The following MBP variants were observed in gnomAD, a reference collection of about 807,000 sequenced individuals.
MBP encodes myelin basic protein, also known as Golli-MBP.
MBP carries 16 observed loss-of-function variants against 35.8 expected under a neutral mutation model. That is an observed-to-expected ratio of 0.45 (90% CI 0.30 to 0.68). MBP has a LOEUF of 0.68. Among genes scored for constraint, MBP ranks in the 30% least tolerant of loss-of-function variants. The pLI is 0.08. For synonymous variants in MBP, 143 were observed against 159.6 expected, an observed-to-expected ratio of 0.90 and a Z score of 0.78; for missense variants, 380 against 404.7, an observed-to-expected ratio of 0.94 and a Z score of 0.52.
chr18:77,083,707 G>A (rs548757714), intron 2 of MBP, among the ~76,000 whole-genome samples: 4 of 152,286 alleles, frequency 2.6e-5, no homozygotes, highest in Non-Finnish European at 5.9e-5. Context: ...GCTGTAACAT[G>A]GATGAATCCT....
intron 2 of MBP, chr18:77,087,206 A>G (rs1366622795): frequency 6.6e-6 from 1 of 152,206 alleles, no homozygotes; most frequent in Non-Finnish European, 1.5e-5. Flanking sequence ...GCCCCGCGGC[A>G]GCGCCCCACC....
At chr18:76,991,978 C>T (rs1232750904) in intron 4 of MBP, among the ~76,000 whole-genome samples, 2 of 152,216 alleles carry the variant, frequency 1.3e-5, no homozygotes, top group East Asian at 3.8e-4. Flanking sequence ...ATGCTGCAGC[C>T]ACAAAGGACA....
At chr18:77,103,929 G>A (rs1209921744) in intron 2 of MBP, among the ~76,000 whole-genome samples, 1 of 152,276 alleles carries the variant, frequency 6.6e-6, no homozygotes, top group African/African-American at 2.4e-5. Context: ...AATGGCAAAT[G>A]CCGTGCTAGA....
intron 4 of MBP, chr18:77,014,421 A>T (rs1971513340): frequency 1.0e-6 from 1 of 985,358 alleles, no homozygotes; most frequent in Admixed American, 6.1e-5. Flanking sequence ...GATAGGGAGA[A>T]GCAGAACTGT....
intron 4 of MBP, chr18:77,005,062 C>T (rs1473169249): frequency 6.6e-6 from 1 of 152,242 alleles, no homozygotes. Flanking sequence ...TACAACAAAT[C>T]AAAGTTCGGC....
chr18:77,118,616 A>C (rs1207431529), intron 1 of MBP, among the ~76,000 whole-genome samples: 1 of 128,158 alleles, frequency 7.8e-6, no homozygotes, highest in East Asian at 3.5e-4. Context: ...CAGACACCAC[A>C]CACACACACA....
At chr18:77,103,189 T>C (rs947741789) in intron 2 of MBP, among the ~76,000 whole-genome samples, 4 of 152,206 alleles carry the variant, frequency 2.6e-5, no homozygotes, top group African/African-American at 4.8e-5. Context: ...GTGGCTGACA[T>C]AGAAATTAAG....
chr18:77,043,967 T>G (rs1369288636), intron 3 of MBP, among the ~76,000 whole-genome samples: 1 of 152,044 alleles, frequency 6.6e-6, no homozygotes. Flanking sequence ...CCCCTGCCAT[T>G]CCCCCAGCTG....
At chr18:77,091,078 G>A (rs1975502623) in intron 2 of MBP, among the ~76,000 whole-genome samples, 1 of 152,140 alleles carries the variant, frequency 6.6e-6, no homozygotes, top group South Asian at 2.1e-4. Context: ...CCACACATTC[G>A]AAAACAACAT....
chr18:77,086,758 T>C (rs1975252066), intron 2 of MBP, among the ~76,000 whole-genome samples: 1 of 152,198 alleles, frequency 6.6e-6, no homozygotes, highest in Non-Finnish European at 1.5e-5. Context: ...CTTTTACATG[T>C]TGAGGAGTTG....
intron 3 of MBP, among the ~76,000 whole-genome samples, chr18:77,029,332 G>A (rs1189167885): frequency 1.3e-5 from 2 of 149,940 alleles, no homozygotes; most frequent in East Asian, 2.0e-4. Flanking sequence ...AATCAGGCAG[G>A]GGGGTTGCAG....
At chr18:77,124,356 A>G (rs1231167920) in intron 1 of MBP, among the ~76,000 whole-genome samples, 1 of 152,228 alleles carries the variant, frequency 6.6e-6, no homozygotes, top group Non-Finnish European at 1.5e-5. Flanking sequence ...TGGGGAGCTG[A>G]ATATTAATCC....
At chr18:77,018,981 C>T (rs1480582020) in intron 3 of MBP, among the ~76,000 whole-genome samples, 89 of 148,618 alleles carry the variant, frequency 6.0e-4, no homozygotes, top group African/African-American at 2.0e-3. Flanking sequence ...TCCATCCATC[C>T]ATCCATCCAT....
chr18:77,100,508 GGTGT>G (rs57715344), intron 2 of MBP, among the ~76,000 whole-genome samples: 3,801 of 133,594 alleles, frequency 0.028, 175 homozygotes, highest in African/African-American at 0.093. Flanking sequence ...TAGAATTTGG[GGTGT>G]GTGTGTGTGT....
intron 1 of MBP, among the ~76,000 whole-genome samples, chr18:77,116,423 A>G (rs1387079231): frequency 6.6e-6 from 1 of 152,250 alleles, no homozygotes; most frequent in Non-Finnish European, 1.5e-5. Context: ...AGAAAAGGGC[A>G]GGAGACACAG....
intron 3 of MBP, among the ~76,000 whole-genome samples, chr18:77,040,124 G>C (rs1215400298): frequency 2.0e-5 from 3 of 152,192 alleles, no homozygotes; most frequent in Non-Finnish European, 4.4e-5. Flanking sequence ...ACTTCTTTAA[G>C]AACCAAATTT....
At chr18:77,038,062 A>G (rs995047556) in intron 3 of MBP, among the ~76,000 whole-genome samples, 2 of 152,206 alleles carry the variant, frequency 1.3e-5, no homozygotes, top group African/African-American at 2.4e-5. Flanking sequence ...AGTCAGTTCC[A>G]GGGCCCAAGA....
At chr18:76,997,775 C>G (rs939333200) in intron 4 of MBP, among the ~76,000 whole-genome samples, 53 of 151,222 alleles carry the variant, frequency 3.5e-4, no homozygotes, top group Admixed American at 1.0e-3. Flanking sequence ...CTCCGCCTCC[C>G]GGGTTCACGC....
At chr18:77,106,246 C>T (rs1358821882) in intron 1 of MBP, among the ~76,000 whole-genome samples, 1 of 152,088 alleles carries the variant, frequency 6.6e-6, no homozygotes, top group Admixed American at 6.5e-5. Context: ...GTAGATACAC[C>T]CGAACACAAT....
Sources: gnomAD v4.1 joint callset for allele counts (sites outside exome capture counted in the v4.1 genomes callset) on GRCh38, gnomAD v4.1.1 for gene constraint, MANE v1.5 for transcripts, NCBI Gene and HGNC (gene_info 2026-07-23, HGNC 2026-07-21) for gene names.